Variants in ZNF284 observed in about 807,000 individuals in gnomAD.
ZNF284 encodes zinc finger protein 284.
A neutral mutation model predicts 12.9 loss-of-function variants in ZNF284; 12 were observed. The ratio of observed to expected loss-of-function variants is 0.93; its 90% CI spans 0.60 to 1.51. The LOEUF (loss-of-function observed/expected upper bound fraction) is 1.51. ZNF284 is among the 40% of genes most tolerant of loss of function. The pLI is 0.00. For missense variants in ZNF284, 667 were observed against 707.3 expected (o/e 0.94, Z 0.65); for synonymous variants, 225 against 236.5 (o/e 0.95, Z 0.45).
intron 1 of ZNF284, among the ~76,000 whole-genome samples, chr19:44,075,955 A>T (rs1365136440): frequency 6.6e-6 from 1 of 152,122 alleles, no homozygotes. Flanking sequence ...CCACTAATCT[A>T]CTTTCTCTAT....
intron 1 of ZNF284, among the ~76,000 whole-genome samples, chr19:44,073,844 G>A (rs1255301701): frequency 6.6e-6 from 1 of 151,430 alleles, no homozygotes; most frequent in African/African-American, 2.4e-5. Context: ...CACCGCACCC[G>A]GTGCATTTCT....
chr19:44,075,858 A>C (rs550031148), intron 1 of ZNF284, among the ~76,000 whole-genome samples: 11 of 152,262 alleles, frequency 7.2e-5, no homozygotes, highest in African/African-American at 2.6e-4. Context: ...CATGATCATG[A>C]TTCAGTTTAG....
chr19:44,076,851 G>T, intron 2 of ZNF284, among the ~76,000 whole-genome samples: 1 of 142,462 alleles, frequency 7.0e-6, no homozygotes, highest in African/African-American at 2.6e-5. Context: ...ACAGAGCCTT[G>T]CTCTGTTGCC....
rs115461493 is a variant in ZNF284 at position 44,080,663 on chromosome 19, T to G, written c.16-352T>G. On this transcript the variant is annotated intron_variant, in intron 2 of 4. Transcript: ENST00000421176. Reference sequence around the variant, plus strand: ...GAACCCTGGGCATTGTCAAACAAAGTTAAGACTGAATTGCTAAATGTTGCT... The same window carrying G: ...GAACCCTGGGCATTGTCAAACAAAGGTAAGACTGAATTGCTAAATGTTGCT... Among the ~76,000 whole-genome samples, 375 of 152,288 alleles carry G rather than the reference T, an allele frequency of 2.5e-3. 1 individual carries two copies. The highest frequency in any genetic ancestry group is 8.7e-3 in the African/African-American group (361 of 41,560).
Position 44,086,645 on chromosome 19 carries a change from T to G in ZNF284, c.1167T>G (p.His389Gln), listed in dbSNP as rs150510956. 6.2e-7 allele frequency: 1 copy of G among 1,614,116 alleles called. No individual in the cohort carries two copies. Among genetic ancestry groups the G allele is most frequent in the East Asian group, 2.2e-5 (1 of 44,882 alleles). Reference sequence around the variant, plus strand: ...GGTGGTCCTCATGTCTTTCAAGACATCAGCGGGTCCACAATGGAGAAACAA... The same window carrying G: ...GGTGGTCCTCATGTCTTTCAAGACAGCAGCGGGTCCACAATGGAGAAACAA... ...GFRWSSCLSR[H>Q]QRVHNGETTF... Residue 389 changes from histidine (H) to glutamine (Q), a missense_variant, in exon 5 of 5, where the codon CAT (histidine) becomes CAG (glutamine). Physicochemically the swap from His to Gln is conservative, Grantham distance 24 (BLOSUM62 0). Transcript: ENST00000421176.
rs1967272620 is a variant in ZNF284 at position 44,087,145 on chromosome 19, A to G, written c.1667A>G (p.Asp556Gly). Residue 556 changes from aspartate (D) to glycine (G), a missense_variant, in exon 5 of 5, where the codon GAC becomes GGC. By Grantham distance (94) the Asp-to-Gly change is moderately conservative. Transcript: ENST00000421176. ...AGTGAGCACAGTTCATGCCTTCAAGACCAACAAAGCGACCACAGTGGAGAA... is the reference window on the plus strand; with the variant it reads ...AGTGAGCACAGTTCATGCCTTCAAGGCCAACAAAGCGACCACAGTGGAGAA... ...KSSEHSSCLQ[D>G]QQSDHSGEKT... 1.9e-6 allele frequency: 3 copies of G among 1,614,130 alleles called. No homozygotes were observed. Among genetic ancestry groups the G allele is most frequent in the African/African-American group, 1.3e-5 (1 of 75,036 alleles).
chr19:44,076,521 T>C, intron 2 of ZNF284, 117 bp downstream of exon 2: 1 of 1,050,758 alleles, frequency 9.5e-7, no homozygotes, highest in Non-Finnish European at 1.4e-6. Flanking sequence ...GTGCACCTGT[T>C]GTGTGCCAGA....
chr19:44,078,847 G>A (rs1258144608), intron 2 of ZNF284, among the ~76,000 whole-genome samples: 2 of 152,102 alleles, frequency 1.3e-5, no homozygotes, highest in African/African-American at 4.8e-5. Context: ...CTGGAGTGCA[G>A]TGGCGCAATC....
intron 4 of ZNF284, chr19:44,085,450 C>T (rs1967215709): frequency 3.1e-6 from 1 of 323,750 alleles, no homozygotes; most frequent in East Asian, 5.8e-5. Context: ...AGATTTTAGA[C>T]TAACTAGGAA....
At chr19:44,077,501 C>T (rs1052330665) in intron 2 of ZNF284, among the ~76,000 whole-genome samples, 1 of 141,184 alleles carries the variant, frequency 7.1e-6, no homozygotes, top group African/African-American at 2.6e-5. Flanking sequence ...CCAGGGTTCT[C>T]GTACTTGAAC....
In ZNF284 at chr19:44,083,487, AGAGAGAGAGAGAGAGGGAAT is replaced by A. The variant is rs1259903968; in HGVS notation, c.235+1384_235+1403del. On this transcript the variant is annotated intron_variant, in intron 4 of 4. Transcript: ENST00000421176. ...TATATATATATATAGAGAGAGAGAG[AGAGAGAGAGAGAGAGGGAAT>A]GGAATACCATCCTATCTTTACCCTT... Among the ~76,000 whole-genome samples the A allele has an allele frequency of 8.2e-5, 8 of 98,098 alleles. 1 individual carries two copies. The highest frequency in any genetic ancestry group is 1.8e-4 in the Non-Finnish European group (8 of 43,310). The allele number at this position is 98,098 out of a possible 152,430, so 64.4% of individuals were successfully genotyped here.
intron 2 of ZNF284, 74 bp from the exon 3 acceptor site, chr19:44,080,941 C>T: frequency 6.5e-7 from 1 of 1,542,708 alleles, no homozygotes; most frequent in Non-Finnish European, 8.8e-7. Context: ...CCATCCCCTT[C>T]ACCTGCTCAT....
chr19:44,080,298 A>AT, intron 2 of ZNF284, among the ~76,000 whole-genome samples: 1 of 111,578 alleles, frequency 9.0e-6, no homozygotes, highest in Non-Finnish European at 2.4e-5. Flanking sequence ...AGTTTGGCAG[A>AT]TATTAAAAAA....
rs114581927 is a variant in ZNF284 at position 44,083,877 on chromosome 19, G to T, written c.235+1772G>T. ...GTGCAGGTGAGTGTCAGCGGTGATG[G>T]TGGCAGCAGGCTTGTAGGACCTGTC... On this transcript the variant is annotated intron_variant, in intron 4 of 4. Coordinates refer to ENST00000421176, the MANE Select transcript of ZNF284 (RefSeq NM_001037813.4). 2.6e-3 allele frequency among the ~76,000 whole-genome samples: 398 copies of T among 152,206 alleles called. 3 individuals are homozygous for T. The highest frequency in any genetic ancestry group is 9.1e-3 in the African/African-American group (378 of 41,524).
intron 2 of ZNF284, among the ~76,000 whole-genome samples, chr19:44,076,811 G>C (rs938416368): frequency 2.3e-5 from 3 of 129,234 alleles, no homozygotes; most frequent in Admixed American, 8.8e-5. Flanking sequence ...CCATTGAATT[G>C]ATGCTCCTTT....
intron 2 of ZNF284, among the ~76,000 whole-genome samples, chr19:44,077,535 C>CTTTTTTTTT (rs763788955): frequency 5.3e-4 from 40 of 76,170 alleles, no homozygotes; most frequent in Non-Finnish European, 6.7e-4. Context: ...ATTTTTCTGT[C>CTTTTTTTTT]TTTTTTTTTT....
chr19:44,076,379 A>G lies in ZNF284; in HGVS notation c.-11A>G, dbSNP rs2147494495. 1.2e-6 allele frequency: 2 copies of G among 1,609,842 alleles called. No homozygotes were observed. Among genetic ancestry groups the G allele is most frequent in the South Asian group, 1.1e-5 (1 of 90,234 alleles). On this transcript the variant is annotated 5_prime_UTR_variant, in exon 2 of 5. Transcript: ENST00000421176. ...TGAGAACTCTGCAAATTCCCCAAAG[A>G]AGGAGGAAAAATGACCATGTTCAAG...
chr19:44,082,851 T>C (rs1407542519), intron 4 of ZNF284, among the ~76,000 whole-genome samples: 2 of 152,180 alleles, frequency 1.3e-5, no homozygotes, highest in Admixed American at 6.5e-5. Context: ...TCCTGCATAA[T>C]CTAGAATGAC....
chr19:44,084,753 T>C (rs577396006), intron 4 of ZNF284, among the ~76,000 whole-genome samples: 1 of 152,242 alleles, frequency 6.6e-6, no homozygotes, highest in South Asian at 2.1e-4. Flanking sequence ...GGCATGTCCA[T>C]GGGGCTTCAG....
Sources: allele counts gnomAD v4.1 joint callset (sites outside exome capture counted in the v4.1 genomes callset), GRCh38; gene constraint gnomAD v4.1.1; transcripts MANE v1.5; gene names NCBI Gene and HGNC (gene_info 2026-07-23, HGNC 2026-07-21).